M1AP: variants seen among roughly 807,000 people sequenced by gnomAD.
M1AP encodes meiosis 1 associated protein.
In M1AP, 39 loss-of-function variants were observed where a neutral mutation model predicts 51.2. The observed-to-expected ratio is 0.76, with a 90% confidence interval of 0.59 to 1.00. M1AP has a LOEUF of 1.00. Among genes scored for constraint, M1AP ranks in the 50% least tolerant of loss-of-function variants. The probability of loss-of-function intolerance (pLI) is 0.00; values close to 1 mark genes in which losing one functional copy is unlikely to be tolerated. For synonymous variants in M1AP, 251 were observed against 249.2 expected (o/e 1.01, Z -0.07); for missense variants, 545 against 641.2 (o/e 0.85, Z 1.62).
rs766807692 is a variant in M1AP, at chr2:74,607,089, G to A, written c.561C>T (p.Asp187=). Residue 187 remains aspartate (D), a synonymous_variant, in exon 4 of 11, where the codon GAC becomes GAT. Transcript: ENST00000421985. ...TGGTATCCTCAACAGGAGACGCTGA[G>A]TCCACGTGCTCTAGGATTCCCTTTG... ...EVTKGILEHV[D]SASPVEDTSN... 6.2e-7 allele frequency: 1 copy of A among 1,614,028 alleles called. No individual in the cohort carries two copies. Among genetic ancestry groups the A allele is most frequent in the Non-Finnish European group, 8.5e-7 (1 of 1,179,974 alleles).
chr2:74,586,673 T>C (rs190529874), intron 4 of M1AP, among the ~76,000 whole-genome samples: 99 of 152,326 alleles, frequency 6.5e-4, no homozygotes, highest in African/African-American at 2.4e-3. Context: ...TATGAAAGGC[T>C]TAATGGAAAG....
intron 4 of M1AP, among the ~76,000 whole-genome samples, chr2:74,602,441 T>C (rs900941549): frequency 6.6e-5 from 10 of 152,332 alleles, no homozygotes; most frequent in Admixed American, 5.9e-4. Context: ...CTAACTTTTA[T>C]AGAGAACTTA....
chr2:74,629,751 C>CA (rs61660960), intron 2 of M1AP, among the ~76,000 whole-genome samples: 5,055 of 137,858 alleles, frequency 0.037, 244 homozygotes, highest in African/African-American at 0.11. Context: ...GATTCTGTCT[C>CA]AAAAAAAAAA....
At position 74,562,355 on chromosome 2, in the gene M1AP, G is replaced by A; in HGVS notation, c.1143C>T (p.Ala381=). 1 of 1,614,224 alleles carries A rather than the reference G, an allele frequency of 6.2e-7. No individual in the cohort carries two copies. The highest frequency in any genetic ancestry group is 8.5e-7 in the Non-Finnish European group (1 of 1,180,036). The stretch of plus-strand genomic sequence containing the variant: ...ACGGCATGATCACATAGAAGGTGCT[G>A]GCAGGAATTCTCTGGCTGTGTCCTG... ...PGPGHSQRIP[A]STFYVIMPSH... The change falls in exon 8 of 11, where the codon GCC becomes GCT. Residue 381 remains alanine (A), a synonymous_variant. Coordinates refer to ENST00000421985, the MANE Select transcript of M1AP (RefSeq NM_001321739.2).
chr2:74,630,845 T>C (rs10209919), intron 2 of M1AP, among the ~76,000 whole-genome samples: 3,069 of 152,322 alleles, frequency 0.02, 111 homozygotes, highest in African/African-American at 0.07. Flanking sequence ...TTTGGGTATA[T>C]ACCTAGTAAT....
intron 8 of M1AP, among the ~76,000 whole-genome samples, chr2:74,561,192 G>A (rs1419168091): frequency 7.1e-6 from 1 of 141,680 alleles, no homozygotes; most frequent in Admixed American, 7.1e-5. Flanking sequence ...AGAAGGAGGA[G>A]GAGGAGAAGG....
intron 2 of M1AP, among the ~76,000 whole-genome samples, chr2:74,620,051 CTCTA>C (rs1466457388): frequency 9.2e-5 from 14 of 152,200 alleles, no homozygotes; most frequent in African/African-American, 3.4e-4. Context: ...TGGCAGTCTT[CTCTA>C]TCTTACAGTT....
chr2:74,632,832 T>G (rs1319748596), intron 2 of M1AP, among the ~76,000 whole-genome samples: 1 of 152,158 alleles, frequency 6.6e-6, no homozygotes, highest in East Asian at 1.9e-4. Context: ...GCTGTCTGCC[T>G]TTTCTAGTGG....
chr2:74,600,416 G>T (rs1047735232), intron 4 of M1AP, among the ~76,000 whole-genome samples: 1 of 152,186 alleles, frequency 6.6e-6, no homozygotes, highest in African/African-American at 2.4e-5. Context: ...AACAAAGCTA[G>T]CAGCATTATT....
rs202007186 is a variant in M1AP at position 74,587,371 on chromosome 2, T to A, written c.596-5524A>T. ...CTGCTGCCATGCTTTGCTAATTTTT[T>A]GTATTTTTAGTAGAGATGGGGCTTC... On this transcript the variant is annotated intron_variant, in intron 4 of 10. Coordinates refer to ENST00000421985, the MANE Select transcript of M1AP (RefSeq NM_001321739.2). Among the ~76,000 whole-genome samples the A allele has an allele frequency of 8.5e-5, 13 of 152,122 alleles. No homozygotes were observed. In the East Asian group the frequency reaches 2.5e-3, roughly 30 times the overall value.
rs111946346 is a variant in M1AP, at chr2:74,611,994, C to T, written c.426+2970G>A. On this transcript the variant is annotated intron_variant, in intron 3 of 10. Coordinates refer to ENST00000421985, the MANE Select transcript of M1AP (RefSeq NM_001321739.2). ...CTGCAAGCTCCGCCTCCCAGGTTCA[C>T]GCCATTCTCCTGCCTCAGCCTCCCA... is the stretch of plus-strand genomic sequence containing the variant. Among the ~76,000 whole-genome samples the T allele has an allele frequency of 8.5e-3, 1,091 of 128,398 alleles. 7 individuals carry two copies. The highest frequency in any genetic ancestry group is 0.013 in the Non-Finnish European group (852 of 63,196). The allele number at this position is 128,398 out of a possible 152,430, so 84.2% of individuals were successfully genotyped here.
chr2:74,573,208 A>C (rs759713481), intron 7 of M1AP, among the ~76,000 whole-genome samples: 2 of 151,648 alleles, frequency 1.3e-5, no homozygotes, highest in Admixed American at 6.6e-5. Flanking sequence ...CACCACGCCC[A>C]GCTAATTTTT....
chr2:74,614,908 C>T, intron 3 of M1AP, 56 bp downstream of exon 3: 1 of 1,455,340 alleles, frequency 6.9e-7, no homozygotes, highest in Non-Finnish European at 9.6e-7. Context: ...AAACAATGAC[C>T]TATATGGACT....
chr2:74,638,507 AG>A (rs1683111026), intron 2 of M1AP, among the ~76,000 whole-genome samples: 1 of 152,186 alleles, frequency 6.6e-6, no homozygotes, highest in African/African-American at 2.4e-5. Context: ...CAGAATGTGG[AG>A]GAAGTGACAA....
chr2:74,604,415 G>T (rs1187797444), intron 4 of M1AP, among the ~76,000 whole-genome samples: 1 of 152,182 alleles, frequency 6.6e-6, no homozygotes, highest in Non-Finnish European at 1.5e-5. Flanking sequence ...ATGGTTTTGG[G>T]ATGAAACTGT....
chr2:74,578,396 A>G (rs1679208289), intron 5 of M1AP, among the ~76,000 whole-genome samples: 1 of 152,250 alleles, frequency 6.6e-6, no homozygotes, highest in African/African-American at 2.4e-5. Flanking sequence ...TCCTAATGCT[A>G]TCCCTCCCCC....
At chr2:74,571,918 C>T (rs1424363320) in intron 7 of M1AP, among the ~76,000 whole-genome samples, 2 of 151,924 alleles carry the variant, frequency 1.3e-5, no homozygotes, top group Non-Finnish European at 2.9e-5. Context: ...ATTGTTTGAA[C>T]CCAGGAGGTG....
chr2:74,609,734 C>A (rs1433001215), intron 3 of M1AP, among the ~76,000 whole-genome samples: 1 of 152,124 alleles, frequency 6.6e-6, no homozygotes, highest in Non-Finnish European at 1.5e-5. Context: ...TTTTTTAAAT[C>A]TTTTATATAG....
At chr2:74,579,794 A>C (rs1033683265) in intron 5 of M1AP, among the ~76,000 whole-genome samples, 2 of 152,084 alleles carry the variant, frequency 1.3e-5, no homozygotes, top group African/African-American at 4.8e-5. Context: ...TTTTTTTAAA[A>C]AAAAATCTTT....
Sources: gnomAD v4.1 joint callset for allele counts (sites outside exome capture counted in the v4.1 genomes callset) on GRCh38, gnomAD v4.1.1 for gene constraint, MANE v1.5 for transcripts, NCBI Gene and HGNC (gene_info 2026-07-23, HGNC 2026-07-21) for gene names.